KCNK2: variants seen among roughly 807,000 people sequenced by gnomAD.
KCNK2 encodes the protein potassium two pore domain channel subfamily K member 2, also known as potassium channel subfamily K member 2.
Under a neutral mutation model 40.5 loss-of-function variants are expected in KCNK2, and 21 were observed. The observed-to-expected ratio is 0.52, with a 90% CI of 0.37 to 0.75. KCNK2 has a LOEUF of 0.75. KCNK2 is among the 30% of genes least tolerant of loss of function. The pLI is 0.00. For synonymous variants in KCNK2, 191 were observed against 202.2 expected (o/e 0.94, Z 0.47); for missense variants, 399 against 531.6 (o/e 0.75, Z 2.45).
At chr1:215,068,035 T>C (rs1257859273) in intron 1 of KCNK2, among the ~76,000 whole-genome samples, 1 of 151,880 alleles carries the variant, frequency 6.6e-6, no homozygotes, top group Non-Finnish European at 1.5e-5. Context: ...TCTGTTGTCT[T>C]TATGTTTCTT....
chr1:215,197,895 A>T (rs1225811931), intron 6 of KCNK2, among the ~76,000 whole-genome samples: 3 of 152,064 alleles, frequency 2.0e-5, no homozygotes, highest in Non-Finnish European at 4.4e-5. Flanking sequence ...AGCTACAGTG[A>T]GAGTGAGGCA....
intron 2 of KCNK2, among the ~76,000 whole-genome samples, chr1:215,098,058 G>T (rs1332632655): frequency 1.3e-5 from 2 of 151,938 alleles, no homozygotes; most frequent in Non-Finnish European, 2.9e-5. Flanking sequence ...CCATGATCAT[G>T]TCTATCTTGG....
chr1:215,062,917 A>G (rs879323673), intron 1 of KCNK2, among the ~76,000 whole-genome samples: 4 of 152,152 alleles, frequency 2.6e-5, no homozygotes, highest in Non-Finnish European at 4.4e-5. Flanking sequence ...GAGAATGAAC[A>G]CACCAGAAAA....
chr1:215,068,941 T>C (rs1202021426), intron 1 of KCNK2, among the ~76,000 whole-genome samples: 1 of 152,152 alleles, frequency 6.6e-6, no homozygotes, highest in African/African-American at 2.4e-5. Flanking sequence ...AAAAGTTTTA[T>C]CAGTGTCCAG....
intron 5 of KCNK2, among the ~76,000 whole-genome samples, chr1:215,182,029 A>T (rs1448588359): frequency 6.6e-6 from 1 of 152,170 alleles, no homozygotes. Context: ...CTATACAGGG[A>T]TGGGGGAGAT....
At chr1:215,009,554 G>T (rs1482063177) in intron 1 of KCNK2, among the ~76,000 whole-genome samples, 1 of 151,810 alleles carries the variant, frequency 6.6e-6, no homozygotes, top group Non-Finnish European at 1.5e-5. Context: ...AAGCAGAGTT[G>T]TCCAATGAAA....
chr1:215,124,842 A>G (rs930754100), intron 3 of KCNK2, 92 bp downstream of exon 3: 1 of 779,170 alleles, frequency 1.3e-6, no homozygotes, highest in African/African-American at 1.7e-5. Context: ...GGGCAAAATG[A>G]TCTACTTAAG....
At chr1:215,044,679 A>G (rs184459745) in intron 1 of KCNK2, among the ~76,000 whole-genome samples, 1 of 152,306 alleles carries the variant, frequency 6.6e-6, no homozygotes, top group African/African-American at 2.4e-5. Context: ...GAAATCCTGA[A>G]TAAGTGGAAC....
Position 215,083,799 on chromosome 1 carries a change from C to T in KCNK2, c.46+368C>T, listed in dbSNP as rs1052786749. The T allele has an allele frequency of 4.8e-5, 16 of 333,970 alleles. 1 individual carries two copies. In the East Asian group the frequency reaches 1.0e-3, roughly 21 times the overall value. 20.7% of individuals were successfully genotyped at this position (333,970 alleles called of 1,614,324 possible). On this transcript the variant is annotated intron_variant, in intron 1 of 6. Transcript: ENST00000444842. The stretch of plus-strand genomic sequence containing the variant: ...TTGCCTGGTGGGACAGGCAGTGGTG[C>T]TGAAAAAAGCTTGCTTCCGCTGCTA...
intron 3 of KCNK2, among the ~76,000 whole-genome samples, chr1:215,140,460 C>T (rs1399490512): frequency 1.3e-5 from 2 of 152,118 alleles, no homozygotes; most frequent in Non-Finnish European, 2.9e-5. Flanking sequence ...CTTACACAAA[C>T]CTAGATGTAC....
intron 1 of KCNK2, among the ~76,000 whole-genome samples, chr1:215,077,321 TG>T (rs1658979618): frequency 1.3e-5 from 2 of 152,118 alleles, no homozygotes; most frequent in Non-Finnish European, 2.9e-5. Context: ...TTTAGTAAAC[TG>T]GAACTTCTAG....
intron 1 of KCNK2, among the ~76,000 whole-genome samples, chr1:215,037,060 G>A (rs1657412695): frequency 7.0e-6 from 1 of 141,846 alleles, no homozygotes; most frequent in Non-Finnish European, 1.5e-5. Flanking sequence ...TATTGAAGTG[G>A]TAAGAATGAA....
At chr1:215,208,805 G>A (rs1314712906) in intron 6 of KCNK2, among the ~76,000 whole-genome samples, 1 of 151,724 alleles carries the variant, frequency 6.6e-6, no homozygotes, top group Non-Finnish European at 1.5e-5. Context: ...TATGTCAGTG[G>A]CCCCTTCAAT....
chr1:215,105,283 A>G (rs980083783), intron 2 of KCNK2, among the ~76,000 whole-genome samples: 2 of 152,100 alleles, frequency 1.3e-5, no homozygotes, highest in South Asian at 2.1e-4. Flanking sequence ...TTCTGCTTCC[A>G]TGAGTTTGGC....
intron 1 of KCNK2, among the ~76,000 whole-genome samples, chr1:215,033,861 G>A (rs1421271119): frequency 6.6e-6 from 1 of 152,192 alleles, no homozygotes; most frequent in Admixed American, 6.5e-5. Flanking sequence ...CCTGTCTGAA[G>A]CATGAGGGAA....
In KCNK2 at chr1:215,230,135, A is replaced by G. The variant is rs1157155360; in HGVS notation, c.964-4693A>G. On this transcript the variant is annotated intron_variant, in intron 6 of 6. Coordinates refer to ENST00000444842, the MANE Select transcript of KCNK2 (RefSeq NM_001017425.3). ...CACACACACACACACACACACGGTC[A>G]TGCATTGCTTAAAGATGGAGCTATG... is the stretch of plus-strand genomic sequence containing the variant. Among the ~76,000 whole-genome samples the G allele has an allele frequency of 4.2e-5, 6 of 144,006 alleles. 1 individual carries two copies. The East Asian group carries it at 1.2e-3, about 30-fold the overall frequency. The allele number at this position is 144,006 out of a possible 152,430, so 94.5% of individuals were successfully genotyped here.
upstream of KCNK2, among the ~76,000 whole-genome samples, chr1:215,079,879 C>G (rs1571888571): frequency 6.6e-6 from 1 of 152,112 alleles, no homozygotes; most frequent in African/African-American, 2.4e-5. Flanking sequence ...TTGATTCTTT[C>G]AAATTATTTG....
chr1:215,083,003 T>TGGC lies in KCNK2; in HGVS notation c.-356_-354dup, dbSNP rs902723623. 1.9e-3 allele frequency: 286 copies of TGGC among 154,486 alleles called. No individual in the cohort carries two copies. Among genetic ancestry groups the TGGC allele is most frequent in the African/African-American group, 5.2e-3 (211 of 40,594 alleles). 9.6% of individuals were successfully genotyped at this position (154,486 alleles called of 1,614,324 possible). On this transcript the variant is annotated 5_prime_UTR_variant, in exon 1 of 7. Coordinates refer to ENST00000444842, the MANE Select transcript of KCNK2 (RefSeq NM_001017425.3). ...AGCGAGCAGCCCGGGGCTGAGCGCG[T>TGGC]GGCGGCGGCGGCGGCGGCGGCGGCG... is the stretch of plus-strand genomic sequence containing the variant.
chr1:215,222,101 A>G (rs4233310), intron 6 of KCNK2, among the ~76,000 whole-genome samples: 1 of 152,026 alleles, frequency 6.6e-6, no homozygotes, highest in African/African-American at 2.4e-5. Context: ...TAAGAACCCA[A>G]TACCGTGTAA....
Sources: gnomAD v4.1 joint callset for allele counts (sites outside exome capture counted in the v4.1 genomes callset) on GRCh38, gnomAD v4.1.1 for gene constraint, MANE v1.5 for transcripts, NCBI Gene and HGNC (gene_info 2026-07-23, HGNC 2026-07-21) for gene names.